Variants in GPAT4 observed in about 807,000 individuals in gnomAD.
The protein encoded by GPAT4 is glycerol-3-phosphate acyltransferase 4.
Under a neutral mutation model 58.0 loss-of-function variants are expected in GPAT4, and 17 were observed. That is an observed-to-expected ratio of 0.29 (90% CI 0.20 to 0.44). The LOEUF is 0.44. Ranked by LOEUF, GPAT4 falls within the 20% of genes least tolerant of loss-of-function variation. The probability of loss-of-function intolerance (pLI) is 1.00; values close to 1 mark genes in which losing one functional copy is unlikely to be tolerated. For missense variants in GPAT4, 377 were observed against 574.5 expected (o/e 0.66, Z 3.51); for synonymous variants, 204 against 210.1 (o/e 0.97, Z 0.25).
intron 9 of GPAT4, 57 bp from the exon 10 acceptor site, chr8:41,614,906 T>C: frequency 6.9e-7 from 1 of 1,440,506 alleles, no homozygotes; most frequent in South Asian, 1.2e-5. Flanking sequence ...AAGAAACGCC[T>C]AATATCTGGG....
At chr8:41,617,722 T>A (rs905558512) in intron 10 of GPAT4, among the ~76,000 whole-genome samples, 1 of 152,202 alleles carries the variant, frequency 6.6e-6, no homozygotes, top group South Asian at 2.1e-4. Context: ...ATTTTTGATG[T>A]TGTTGGCAGC....
intron 2 of GPAT4, among the ~76,000 whole-genome samples, chr8:41,608,716 G>C (rs1803352559): frequency 6.6e-6 from 1 of 152,198 alleles, no homozygotes. Flanking sequence ...GTTTGAGGTA[G>C]TATCAATCCT....
At chr8:41,610,252 G>A (rs1013139282) in intron 4 of GPAT4, 5 of 1,277,198 alleles carry the variant, frequency 3.9e-6, no homozygotes, top group Middle Eastern at 6.2e-4. Context: ...CCTGGACATG[G>A]CTCATTCTTT....
intron 1 of GPAT4, among the ~76,000 whole-genome samples, chr8:41,597,787 TAAAAAC>T (rs1432403575): frequency 1.3e-5 from 2 of 152,232 alleles, no homozygotes; most frequent in African/African-American, 4.8e-5. Context: ...TGTGTTAAAC[TAAAAAC>T]AAAAACAAAA....
chr8:41,587,255 C>A (rs1300070378), intron 1 of GPAT4, among the ~76,000 whole-genome samples: 1 of 152,222 alleles, frequency 6.6e-6, no homozygotes, highest in Non-Finnish European at 1.5e-5. Flanking sequence ...GCCATGTGAA[C>A]TTTCTGAATG....
rs1803011871 is a variant in GPAT4 at position 41,599,074 on chromosome 8, G to A, written c.-66G>A. On this transcript the variant is annotated 5_prime_UTR_variant, in exon 2 of 13. Transcript: ENST00000396987. ...TTTCCCTGGCTGGTGCTGTCAGGAA[G>A]GACCATCTGAAGGCTGCAATTTGTT... 1.3e-6 allele frequency: 2 copies of A among 1,547,082 alleles called. No individual in the cohort carries two copies. Among genetic ancestry groups the A allele is most frequent in the African/African-American group, 1.4e-5 (1 of 71,710 alleles).
intron 1 of GPAT4, among the ~76,000 whole-genome samples, chr8:41,582,942 GC>G (rs1420352657): frequency 6.6e-6 from 1 of 152,054 alleles, no homozygotes; most frequent in Non-Finnish European, 1.5e-5. Flanking sequence ...CAAGAAATTG[GC>G]CTGACGTGGT....
At chr8:41,583,877 C>T (rs1295278795) in intron 1 of GPAT4, among the ~76,000 whole-genome samples, 4 of 152,054 alleles carry the variant, frequency 2.6e-5, no homozygotes, top group African/African-American at 7.2e-5. Flanking sequence ...TCTGCTGTCA[C>T]GAATTTGTGC....
intron 8 of GPAT4, 40 bp from the exon 9 acceptor site, chr8:41,614,346 A>G (rs1360950711): frequency 1.9e-6 from 3 of 1,557,446 alleles, no homozygotes; most frequent in African/African-American, 1.4e-5. Context: ...CGATGTGTAT[A>G]AGGTTGTCTG....
Position 41,612,235 on chromosome 8 carries a change from G to T in GPAT4, c.757G>T (p.Asp253Tyr). ...TGTGGCCAATCATACCTCACCGATC[G>T]ATGTGATCATCTTGGCCAGCGATGG... ...ICVANHTSPI[D>Y]VIILASDGYY... Residue 253 changes from aspartate to tyrosine, a missense_variant, in exon 7 of 13, where the codon GAT (aspartate) becomes TAT (tyrosine). By Grantham distance (160) the Asp-to-Tyr change is radical (BLOSUM62 -3). Transcript: ENST00000396987. 1 of 1,614,210 alleles carries T rather than the reference G, an allele frequency of 6.2e-7. No homozygotes were observed. Among genetic ancestry groups the T allele is most frequent in the Middle Eastern group, 1.6e-4 (1 of 6,062 alleles).
chr8:41,602,775 C>T (rs1803140525), intron 2 of GPAT4, among the ~76,000 whole-genome samples: 2 of 152,132 alleles, frequency 1.3e-5, no homozygotes, highest in South Asian at 2.1e-4. Flanking sequence ...TTAAAAAACA[C>T]GTTTAGTTTT....
intron 1 of GPAT4, among the ~76,000 whole-genome samples, chr8:41,579,312 C>G (rs1255879302): frequency 3.9e-5 from 6 of 152,300 alleles, no homozygotes; most frequent in African/African-American, 1.4e-4. Flanking sequence ...GTGGCTATTC[C>G]TGTGCCATAC....
chr8:41,611,410 G>C (rs760821384), intron 5 of GPAT4, among the ~76,000 whole-genome samples: 1 of 152,218 alleles, frequency 6.6e-6, no homozygotes, highest in African/African-American at 2.4e-5. Context: ...TTTACAGCTT[G>C]TTGTTTAGTT....
At chr8:41,610,002 TGGTGCACAGCCC>T in intron 4 of GPAT4, 47 bp downstream of exon 4, 1 of 1,557,766 alleles carries the variant, frequency 6.4e-7, no homozygotes, top group Non-Finnish European at 8.7e-7. Context: ...CCACCCCACG[TGGTGCACAGCCC>T]ACCTGCCTGC....
chr8:41,613,097 A>T, intron 8 of GPAT4, 137 bp downstream of exon 8: 1 of 729,204 alleles, frequency 1.4e-6, no homozygotes, highest in Non-Finnish European at 2.1e-6. Flanking sequence ...TTTTCCTAAA[A>T]CATGAAATTT....
intron 2 of GPAT4, among the ~76,000 whole-genome samples, chr8:41,607,810 T>G (rs1453210921): frequency 2.0e-5 from 3 of 152,190 alleles, no homozygotes; most frequent in Non-Finnish European, 4.4e-5. Context: ...ATTACAGGCA[T>G]GAGCCCCACT....
intron 1 of GPAT4, among the ~76,000 whole-genome samples, chr8:41,593,145 G>A (rs1802838067): frequency 6.6e-6 from 1 of 152,126 alleles, no homozygotes; most frequent in Non-Finnish European, 1.5e-5. Context: ...TTATGCGTTT[G>A]GGCACCCCTT....
chr8:41,595,420 A>G (rs371025616), intron 1 of GPAT4, among the ~76,000 whole-genome samples: 5 of 126,132 alleles, frequency 4.0e-5, no homozygotes, highest in African/African-American at 1.5e-4. Context: ...TTATTTTTCT[A>G]CTTTCTTCTG....
At chr8:41,580,583 G>A (rs770172603) in intron 1 of GPAT4, among the ~76,000 whole-genome samples, 1 of 152,176 alleles carries the variant, frequency 6.6e-6, no homozygotes, top group Non-Finnish European at 1.5e-5. Flanking sequence ...TCCAAGGAAT[G>A]CTGGGAACAA....
Sources: allele counts gnomAD v4.1 joint callset (sites outside exome capture counted in the v4.1 genomes callset), GRCh38; gene constraint gnomAD v4.1.1; transcripts MANE v1.5; gene names NCBI Gene and HGNC (gene_info 2026-07-23, HGNC 2026-07-21).